COLQ: variants seen among roughly 807,000 people sequenced by gnomAD.
COLQ encodes the protein acetylcholinesterase collagenic tail peptide.
COLQ carries 48 observed loss-of-function variants against 69.0 expected under a neutral mutation model. The observed-to-expected ratio is 0.70, with a 90% CI of 0.55 to 0.88. The LOEUF (loss-of-function observed/expected upper bound fraction) is 0.88. Among genes scored for constraint, COLQ ranks in the 40% least tolerant of loss-of-function variants. The pLI is 0.00. For missense variants in COLQ, 618 were observed against 594.6 expected (o/e 1.04, Z -0.41); for synonymous variants, 217 against 211.2 (o/e 1.03, Z -0.24).
At position 15,521,622 on chromosome 3, in the gene COLQ, C is replaced by A. The variant is rs2063139418; in HGVS notation, c.4G>T (p.Val2Phe). 1.2e-6 allele frequency: 2 copies of A among 1,614,000 alleles called. No homozygotes were observed. The highest frequency in any genetic ancestry group is 2.2e-5 in the East Asian group (1 of 44,898). The change falls in exon 1 of 17, where the codon GTT (valine) becomes TTT (phenylalanine). Residue 2 changes from valine (V) to phenylalanine (F), a missense_variant. Val to Phe is a conservative substitution (Grantham distance 50). Transcript: ENST00000383788. Reference protein sequence around the residue: MVVLNPMTLGIY... With the variant: MFVLNPMTLGIY... ...CCCAAAGTCATTGGATTCAGGACAA[C>A]CATGCTGGCCAGGGTCTGGCGAGGG...
chr3:15,488,427 C>T (rs2062612835), intron 2 of COLQ, 120 bp from the exon 3 acceptor site: 1 of 777,074 alleles, frequency 1.3e-6, no homozygotes, highest in Non-Finnish European at 2.2e-6. Context: ...CCCTGACACC[C>T]CAATGACTGC....
intron 1 of COLQ, chr3:15,498,436 AAG>A (rs1454064349): frequency 6.8e-7 from 1 of 1,471,270 alleles, no homozygotes; most frequent in African/African-American, 1.4e-5. Flanking sequence ...TCTGCTTTCC[AAG>A]AGTCTTTTTT....
chr3:15,451,750 C>G, intron 16 of COLQ, 37 bp from the exon 17 acceptor site: 1 of 1,567,998 alleles, frequency 6.4e-7, no homozygotes, highest in East Asian at 2.2e-5. Flanking sequence ...AAGGCCACCT[C>G]TTATATGCTG....
intron 2 of COLQ, 143 bp downstream of exon 2, chr3:15,489,382 C>A (rs1194749317): frequency 1.3e-6 from 1 of 768,274 alleles, no homozygotes; most frequent in East Asian, 2.7e-5. Flanking sequence ...CGGGGCTCAA[C>A]TTCTGGGTGA....
intron 1 of COLQ, 104 bp downstream of exon 1, chr3:15,521,416 A>G (rs951043404): frequency 2.0e-6 from 3 of 1,480,502 alleles, no homozygotes; most frequent in African/African-American, 2.8e-5. Context: ...TCCCTCCACC[A>G]ACAGTTGAAT....
chr3:15,463,043 G>T (rs1194042115), intron 12 of COLQ, among the ~76,000 whole-genome samples: 3 of 152,116 alleles, frequency 2.0e-5, no homozygotes, highest in Non-Finnish European at 4.4e-5. Flanking sequence ...ACTCTGCGGG[G>T]CCTGCTAAGA....
chr3:15,467,250 C>A (rs2062213724), intron 11 of COLQ, among the ~76,000 whole-genome samples: 1 of 152,346 alleles, frequency 6.6e-6, no homozygotes, highest in Middle Eastern at 3.4e-3. Flanking sequence ...ATCTGTAAAT[C>A]CAGAGGTTTC....
rs1268723357 is a variant in COLQ, at chr3:15,489,698, A to G, written c.107-61T>C. The G allele has an allele frequency of 3.3e-6, 5 of 1,495,372 alleles. No individual in the cohort carries two copies. The Admixed American group carries it at 7.2e-5, about 22-fold the overall frequency. The allele number at this position is 1,495,372 out of a possible 1,614,324, so 92.6% of individuals were successfully genotyped here. On this transcript the variant is annotated intron_variant, in intron 1 of 16. Coordinates refer to ENST00000383788, the MANE Select transcript of COLQ (RefSeq NM_005677.4). ...TCAGTGCTGGGCCTCTGTCACACCCACCGTGCCCAGGGAAGACCCATCCTG... is the reference window on the plus strand; with the variant it reads ...TCAGTGCTGGGCCTCTGTCACACCCGCCGTGCCCAGGGAAGACCCATCCTG...
chr3:15,482,491 T>C (rs1451009747), intron 3 of COLQ, among the ~76,000 whole-genome samples: 5 of 152,374 alleles, frequency 3.3e-5, no homozygotes, highest in African/African-American at 1.2e-4. Context: ...TCTTTGGTTC[T>C]GTTTATATGC....
intron 11 of COLQ, 100 bp downstream of exon 11, chr3:15,470,436 T>C: frequency 9.3e-7 from 1 of 1,076,568 alleles, no homozygotes; most frequent in Non-Finnish European, 1.4e-6. Flanking sequence ...AGTCAAGGTC[T>C]ACAGAATATC....
chr3:15,510,858 A>AGAAGGAAGGAAG (rs10546993), intron 1 of COLQ, among the ~76,000 whole-genome samples: 3 of 146,606 alleles, frequency 2.0e-5, no homozygotes, highest in African/African-American at 7.7e-5. Flanking sequence ...GAGGAAGGAA[A>AGAAGGAAGGAAG]GAAGGAAGGA....
Position 15,470,559 on chromosome 3 carries a change from T to C in COLQ, c.694A>G (p.Arg232Gly), listed in dbSNP as rs753247779. 6 of 1,613,958 alleles carry C rather than the reference T, an allele frequency of 3.7e-6. No individual in the cohort carries two copies. In the Admixed American group the frequency reaches 5.0e-5, roughly 13 times the overall value. ...GIAGHRGPTGRPGKRGKQGQK... is the reference protein window; with the variant it reads ...GIAGHRGPTGGPGKRGKQGQK... Reference sequence around the variant, plus strand: ...ACCTGCTTGCCTCGTTTTCCTGGTCTTCCTGTGGGTCCTCGGTGTCCTGCT... The same window carrying C: ...ACCTGCTTGCCTCGTTTTCCTGGTCCTCCTGTGGGTCCTCGGTGTCCTGCT... Residue 232 changes from arginine to glycine, a missense_variant, in exon 11 of 17, where the codon AGA becomes GGA. Physicochemically the swap from Arg to Gly is moderately radical, Grantham distance 125. Coordinates refer to ENST00000383788, the MANE Select transcript of COLQ (RefSeq NM_005677.4).
intron 3 of COLQ, among the ~76,000 whole-genome samples, chr3:15,479,813 T>C (rs2062447563): frequency 6.6e-6 from 1 of 152,236 alleles, no homozygotes; most frequent in Non-Finnish European, 1.5e-5. Context: ...AAGTTAAGTT[T>C]TGCACATAGC....
At chr3:15,493,920 T>A (rs2062707793) in intron 1 of COLQ, among the ~76,000 whole-genome samples, 1 of 152,168 alleles carries the variant, frequency 6.6e-6, no homozygotes, top group African/African-American at 2.4e-5. Context: ...CCGTGTCTAC[T>A]AAAAACACAA....
intron 11 of COLQ, among the ~76,000 whole-genome samples, chr3:15,470,003 G>A (rs2062256044): frequency 6.6e-6 from 1 of 152,194 alleles, no homozygotes; most frequent in Non-Finnish European, 1.5e-5. Context: ...CTTAACACAA[G>A]AGCCTGCTGA....
At chr3:15,515,111 T>C (rs958047516) in intron 1 of COLQ, among the ~76,000 whole-genome samples, 1 of 152,196 alleles carries the variant, frequency 6.6e-6, no homozygotes, top group African/African-American at 2.4e-5. Context: ...TTCATTCATC[T>C]CTTAGGACTG....
chr3:15,509,924 G>A (rs1231369910), intron 1 of COLQ, among the ~76,000 whole-genome samples: 1 of 152,190 alleles, frequency 6.6e-6, no homozygotes, highest in Non-Finnish European at 1.5e-5. Context: ...TGTAATCCCA[G>A]CACTTTGGGA....
intron 14 of COLQ, 68 bp from the exon 15 acceptor site, chr3:15,456,087 A>T: frequency 6.3e-7 from 1 of 1,596,478 alleles, no homozygotes; most frequent in South Asian, 1.1e-5. Flanking sequence ...CAGGGAGGTC[A>T]TTGGTTTTGG....
rs2062357077 is a variant in COLQ at position 15,475,077 on chromosome 3, G to GGTTGCAGTTTAGTTT, written c.529-127_529-126insAAACTAAACTGCAAC. On this transcript the variant is annotated intron_variant, in intron 7 of 16. Coordinates refer to ENST00000383788, the MANE Select transcript of COLQ (RefSeq NM_005677.4). ...TCCACATTGCACTGTGAGTTTTAGTGGGGTTGCAGCACCAAACACAAAGAT... is the reference window on the plus strand; with the variant it reads ...TCCACATTGCACTGTGAGTTTTAGTGGTTGCAGTTTAGTTTGGGTTGCAGCACCAAACACAAAGAT... The GGTTGCAGTTTAGTTT allele has an allele frequency of 7.2e-5, 76 of 1,048,506 alleles. 2 individuals are homozygous for GGTTGCAGTTTAGTTT. In the South Asian group the frequency reaches 9.5e-4, roughly 13 times the overall value. The allele number at this position is 1,048,506 out of a possible 1,614,324, so 65.0% of individuals were successfully genotyped here. A position where few individuals can be genotyped will look rare whatever the true frequency, so the allele number is the denominator to read the frequency against.
Sources: allele counts gnomAD v4.1 joint callset (sites outside exome capture counted in the v4.1 genomes callset), GRCh38; gene constraint gnomAD v4.1.1; transcripts MANE v1.5; gene names NCBI Gene and HGNC (gene_info 2026-07-23, HGNC 2026-07-21).